The following MBD5 variants were observed in gnomAD, a reference collection of about 807,000 sequenced individuals.
MBD5 encodes methyl-CpG binding domain protein 5.
MBD5 carries 13 observed loss-of-function variants against 117.3 expected under a neutral mutation model. The ratio of observed to expected loss-of-function variants is 0.11; its 90% CI spans 0.07 to 0.18. The LOEUF (loss-of-function observed/expected upper bound fraction) is 0.18. Ranked by LOEUF, MBD5 falls within the 10% of genes least tolerant of loss-of-function variation. The pLI is 1.00. For missense variants in MBD5, 1,879 were observed against 2,093.8 expected (o/e 0.90, Z 2.00); for synonymous variants, 727 against 766.4 (o/e 0.95, Z 0.85).
chr2:148,162,518 G>C (rs1194395357), intron 1 of MBD5, among the ~76,000 whole-genome samples: 1 of 152,110 alleles, frequency 6.6e-6, no homozygotes, highest in Non-Finnish European at 1.5e-5. Flanking sequence ...TGATCTGTTT[G>C]AATTTATTTG....
intron 1 of MBD5, among the ~76,000 whole-genome samples, chr2:148,109,441 T>C (rs1696455141): frequency 6.6e-6 from 1 of 152,126 alleles, no homozygotes; most frequent in Non-Finnish European, 1.5e-5. Flanking sequence ...AGAGAATGGG[T>C]TGATTTGACT....
intron 3 of MBD5, among the ~76,000 whole-genome samples, chr2:148,341,017 G>T (rs1051255251): frequency 2.6e-5 from 4 of 151,998 alleles, no homozygotes; most frequent in Non-Finnish European, 5.9e-5. Context: ...CTTTCCTAAG[G>T]TCTAAGCAAG....
chr2:148,134,234 A>T (rs4972330), intron 1 of MBD5, among the ~76,000 whole-genome samples: 1 of 151,060 alleles, frequency 6.6e-6, no homozygotes, highest in Admixed American at 6.6e-5. Flanking sequence ...ATAGATAGAT[A>T]GATCGATCGA....
intron 1 of MBD5, chr2:148,027,634 A>G (rs1156587744): frequency 6.6e-6 from 1 of 152,132 alleles, no homozygotes; most frequent in Non-Finnish European, 1.5e-5. Context: ...AGGGATGTTC[A>G]ATAGATATAT....
At chr2:148,437,496 A>G (rs1307396519) in intron 4 of MBD5, among the ~76,000 whole-genome samples, 1 of 152,160 alleles carries the variant, frequency 6.6e-6, no homozygotes, top group Non-Finnish European at 1.5e-5. Flanking sequence ...CTTGAAAGTT[A>G]CTATCTCAAA....
At chr2:148,343,904 G>A (rs1703016579) in intron 4 of MBD5, among the ~76,000 whole-genome samples, 1 of 151,944 alleles carries the variant, frequency 6.6e-6, no homozygotes, top group African/African-American at 2.4e-5. Flanking sequence ...CCAGAACGGT[G>A]TTTACTGGGT....
At chr2:148,060,132 CAAAAAAAAA>C (rs35925701) in intron 1 of MBD5, among the ~76,000 whole-genome samples, 10 of 14,044 alleles carry the variant, frequency 7.1e-4, no homozygotes, top group Admixed American at 4.6e-3. Context: ...ACAAAAAGTG[CAAAAAAAAA>C]AAAAAAAAAA....
chr2:148,458,350 A>G lies in MBD5; in HGVS notation c.-409A>G, dbSNP rs1481821921. ...GAAATATTAACCGACTCACACTGTA[A>G]AAATGAGACCAGTTTCTAAACAATA... is the stretch of plus-strand genomic sequence containing the variant. On this transcript the variant is annotated 5_prime_UTR_variant, in exon 5 of 14. Transcript: ENST00000642680. The G allele has an allele frequency of 6.9e-6, 3 of 435,996 alleles. No individual in the cohort carries two copies. Among genetic ancestry groups the G allele is most frequent in the African/African-American group, 2.0e-5 (1 of 49,800 alleles). The allele number at this position is 435,996 out of a possible 1,614,324, so 27.0% of individuals were successfully genotyped here.
At chr2:148,390,780 C>T (rs1227225778) in intron 4 of MBD5, among the ~76,000 whole-genome samples, 1 of 151,904 alleles carries the variant, frequency 6.6e-6, no homozygotes, top group East Asian at 1.9e-4. Context: ...GCCCTGGTCT[C>T]GAACTCCTGG....
intron 1 of MBD5, among the ~76,000 whole-genome samples, chr2:148,160,797 A>T (rs10497030): frequency 0.026 from 3,898 of 152,306 alleles, 96 homozygotes; most frequent in African/African-American, 0.066. Context: ...TTTAAGAATT[A>T]CAAAGGAGTT....
chr2:148,395,318 G>A (rs1319419073), intron 4 of MBD5, among the ~76,000 whole-genome samples: 1 of 151,064 alleles, frequency 6.6e-6, no homozygotes, highest in Non-Finnish European at 1.5e-5. Context: ...ACCATCCTTT[G>A]TTTTTACACC....
intron 4 of MBD5, among the ~76,000 whole-genome samples, chr2:148,374,372 T>C (rs1287759056): frequency 6.6e-6 from 1 of 152,156 alleles, no homozygotes; most frequent in Non-Finnish European, 1.5e-5. Context: ...TCAATTACCA[T>C]ATTGTGTCTT....
At position 148,408,185 on chromosome 2, in the gene MBD5, A is replaced by G. The variant is rs544039416; in HGVS notation, c.-556-50018A>G. On this transcript the variant is annotated intron_variant, in intron 4 of 13. Transcript: ENST00000642680. ...TTCAATTCGAAATAAAGAAATCTTT[A>G]TATTTTACTCTGCACCTTTGCTTCT... Among the ~76,000 whole-genome samples the G allele has an allele frequency of 2.6e-5, 4 of 152,322 alleles. No individual in the cohort carries two copies. The South Asian group carries it at 6.2e-4, about 24-fold the overall frequency.
At chr2:148,395,792 G>C (rs12464361) in intron 4 of MBD5, among the ~76,000 whole-genome samples, 114,840 of 152,038 alleles carry the variant, frequency 0.76, 44,019 homozygotes, top group African/African-American at 0.9. Flanking sequence ...TAGTCAGTCA[G>C]CTATACTGAG....
chr2:148,320,435 C>A (rs1702257422), intron 3 of MBD5, among the ~76,000 whole-genome samples: 1 of 152,116 alleles, frequency 6.6e-6, no homozygotes, highest in Non-Finnish European at 1.5e-5. Flanking sequence ...TTCACTGCAG[C>A]CTCGACCTCT....
chr2:148,158,077 T>C (rs142962637), intron 1 of MBD5, among the ~76,000 whole-genome samples: 1,872 of 152,254 alleles, frequency 0.012, 43 homozygotes, highest in African/African-American at 0.043. Flanking sequence ...CAAAATAATA[T>C]GCTAGCATTA....
chr2:148,474,487 C>T (rs1334153313), intron 8 of MBD5, among the ~76,000 whole-genome samples: 6 of 152,098 alleles, frequency 3.9e-5, no homozygotes, highest in Admixed American at 3.9e-4. Flanking sequence ...CACAACATAA[C>T]TTTTTTCACT....
chr2:148,021,604 C>A lies in MBD5; in HGVS notation c.-1005C>A. 2.1e-6 allele frequency: 1 copy of A among 483,158 alleles called. No individual in the cohort carries two copies. The highest frequency in any genetic ancestry group is 4.1e-6 in the Non-Finnish European group (1 of 246,540). 29.9% of individuals were successfully genotyped at this position (483,158 alleles called of 1,614,324 possible). The stretch of plus-strand genomic sequence containing the variant: ...TCCTCCTCCTCCTTCGCCTCCTCCT[C>A]CTCCACTCCCCCCCTTTATTACCCT... On this transcript the variant is annotated 5_prime_UTR_variant, in exon 1 of 14. Transcript: ENST00000642680.
chr2:148,322,273 T>A (rs1005850888), intron 3 of MBD5, among the ~76,000 whole-genome samples: 1 of 152,238 alleles, frequency 6.6e-6, no homozygotes, highest in African/African-American at 2.4e-5. Context: ...TAGCTTCATT[T>A]ATAACGTTCA....
Sources: allele counts gnomAD v4.1 joint callset (sites outside exome capture counted in the v4.1 genomes callset), GRCh38; gene constraint gnomAD v4.1.1; transcripts MANE v1.5; gene names NCBI Gene and HGNC (gene_info 2026-07-23, HGNC 2026-07-21).